The following PTPRT variants were observed in gnomAD, a reference collection of about 807,000 sequenced individuals.
PTPRT encodes the protein protein tyrosine phosphatase receptor type T.
PTPRT carries 56 observed loss-of-function variants against 176.8 expected under a neutral mutation model. That is an observed-to-expected ratio of 0.32 (90% CI 0.26 to 0.40). The LOEUF (loss-of-function observed/expected upper bound fraction) is 0.40, where lower values mean the gene tolerates loss of function less well. Among genes scored for constraint, PTPRT ranks in the 10% least tolerant of loss-of-function variants. The pLI is 1.00. For synonymous variants in PTPRT, 783 were observed against 739.0 expected (o/e 1.06, Z -0.96); for missense variants, 1,540 against 1,908.2 (o/e 0.81, Z 3.60).
chr20:42,567,291 A>AAGAG (rs200210899), intron 7 of PTPRT, among the ~76,000 whole-genome samples: 10 of 150,410 alleles, frequency 6.6e-5, no homozygotes, highest in Admixed American at 2.0e-4. Flanking sequence ...AAAAAAATAA[A>AAGAG]AGAGAGAGAG....
intron 9 of PTPRT, among the ~76,000 whole-genome samples, chr20:42,373,173 C>T (rs2058609159): frequency 6.6e-6 from 1 of 152,120 alleles, no homozygotes; most frequent in African/African-American, 2.4e-5. Flanking sequence ...GAGTGAAGTA[C>T]CACCCTTCCA....
At chr20:42,942,287 C>A (rs1462456177) in intron 1 of PTPRT, among the ~76,000 whole-genome samples, 1 of 152,180 alleles carries the variant, frequency 6.6e-6, no homozygotes, top group Non-Finnish European at 1.5e-5. Flanking sequence ...GGGCAACCAA[C>A]AGGAAAGGTA....
At chr20:42,495,170 A>T (rs904308065) in intron 7 of PTPRT, among the ~76,000 whole-genome samples, 2 of 152,212 alleles carry the variant, frequency 1.3e-5, no homozygotes, top group Non-Finnish European at 2.9e-5. Flanking sequence ...GAAAACAGTG[A>T]GACTCAGAGA....
At chr20:42,430,057 T>C (rs2145797846) in intron 9 of PTPRT, among the ~76,000 whole-genome samples, 1 of 152,354 alleles carries the variant, frequency 6.6e-6, no homozygotes, top group East Asian at 1.9e-4. Context: ...TTTTAAATGG[T>C]ACAGTGTCTG....
intron 16 of PTPRT, among the ~76,000 whole-genome samples, chr20:42,187,232 A>G (rs1352148515): frequency 6.6e-6 from 1 of 152,082 alleles, no homozygotes; most frequent in African/African-American, 2.4e-5. Flanking sequence ...TAGAAATGCC[A>G]TTTCTTATGC....
chr20:42,886,077 T>A, intron 1 of PTPRT, 145 bp from the exon 2 acceptor site: 1 of 378,062 alleles, frequency 2.6e-6, no homozygotes, highest in Non-Finnish European at 3.8e-6. Context: ...ATATAAAAGA[T>A]GAGCAAATTG....
At position 42,684,885 on chromosome 20, in the gene PTPRT, C is replaced by A. The variant is rs149016891; in HGVS notation, c.860-6726G>T. ...AGGAAGAGGATGATGAGAATAATCA[C>A]AAATAACACCATGGGGCAGCTCCCA... On this transcript the variant is annotated intron_variant, in intron 6 of 30. Transcript: ENST00000373187. 3.0e-3 allele frequency among the ~76,000 whole-genome samples: 463 copies of A among 152,188 alleles called. 2 individuals carry two copies. The highest frequency in any genetic ancestry group is 0.011 in the African/African-American group (444 of 41,520).
At chr20:43,076,046 A>C (rs1048391331) in intron 1 of PTPRT, among the ~76,000 whole-genome samples, 1 of 152,228 alleles carries the variant, frequency 6.6e-6, no homozygotes, top group African/African-American at 2.4e-5. Flanking sequence ...AAGAATCTTA[A>C]ATCTCCTACT....
chr20:43,040,294 C>G lies in PTPRT; in HGVS notation c.88+149352G>C, dbSNP rs564542880. On this transcript the variant is annotated intron_variant, in intron 1 of 30. Transcript: ENST00000373187. ...TGGGAATGGAAGATAAAAACTACAA[C>G]TCTTTTAGATAGCTGTTTGTCAATA... 2.6e-5 allele frequency among the ~76,000 whole-genome samples: 4 copies of G among 152,294 alleles called. No homozygotes were observed. The South Asian group carries it at 8.3e-4, about 32-fold the overall frequency.
At chr20:42,409,230 C>T (rs958434419) in intron 9 of PTPRT, among the ~76,000 whole-genome samples, 3 of 152,016 alleles carry the variant, frequency 2.0e-5, no homozygotes, top group Non-Finnish European at 4.4e-5. Context: ...TGCCTGTAAT[C>T]CCAGAACTTT....
At chr20:42,425,261 C>A (rs1041094194) in intron 9 of PTPRT, among the ~76,000 whole-genome samples, 10 of 152,048 alleles carry the variant, frequency 6.6e-5, no homozygotes, top group Non-Finnish European at 1.0e-4. Context: ...ATTGCAATGA[C>A]AAAAATACTC....
At position 43,189,855 on chromosome 20, in the gene PTPRT, G is replaced by C. The variant is rs1351712171; in HGVS notation, c.-122C>G. The C allele has an allele frequency of 5.9e-6, 2 of 340,624 alleles. No homozygotes were observed. The highest frequency in any genetic ancestry group is 8.3e-6 in the Non-Finnish European group (2 of 241,498). 21.1% of individuals were successfully genotyped at this position (340,624 alleles called of 1,614,324 possible). A position where few individuals can be genotyped will look rare whatever the true frequency, so the allele number is the denominator to read the frequency against. On this transcript the variant is annotated 5_prime_UTR_variant, in exon 1 of 31. Transcript: ENST00000373187. This position sits in a 1 kb window ranked among gnomAD's most constrained non-coding sequence, Gnocchi z 5.0. Reference sequence around the variant, plus strand: ...GCTGTGCGCGCGGCTGGCTCCGCTCGGGCTCCCGGAGCCGGCGCTCCTGCG... The same window carrying C: ...GCTGTGCGCGCGGCTGGCTCCGCTCCGGCTCCCGGAGCCGGCGCTCCTGCG...
chr20:42,841,938 T>G (rs2078286281), intron 2 of PTPRT, among the ~76,000 whole-genome samples: 1 of 152,196 alleles, frequency 6.6e-6, no homozygotes, highest in Admixed American at 6.5e-5. Context: ...TGGTAAAATG[T>G]CCCCAGCTTT....
intron 6 of PTPRT, among the ~76,000 whole-genome samples, chr20:42,706,219 ATGTGTG>A (rs2076057011): frequency 1.9e-5 from 2 of 103,004 alleles, no homozygotes; most frequent in African/African-American, 4.0e-5. Flanking sequence ...GTGTGTGTGT[ATGTGTG>A]TGTGTGTCTA....
At chr20:42,415,000 T>C (rs1371992254) in intron 9 of PTPRT, among the ~76,000 whole-genome samples, 1 of 152,162 alleles carries the variant, frequency 6.6e-6, no homozygotes, top group Non-Finnish European at 1.5e-5. Flanking sequence ...GGTGAAACTG[T>C]ATGGTAATCG....
chr20:43,011,445 G>A (rs1329638651), intron 1 of PTPRT, among the ~76,000 whole-genome samples: 2 of 152,168 alleles, frequency 1.3e-5, no homozygotes, highest in African/African-American at 4.8e-5. Flanking sequence ...CCAGAAGTAA[G>A]ACCCACCAGC....
intron 11 of PTPRT, among the ~76,000 whole-genome samples, chr20:42,332,305 G>A (rs6102780): frequency 0.34 from 52,138 of 151,784 alleles, 10,215 homozygotes; most frequent in African/African-American, 0.55. Flanking sequence ...TGCCTCCTGG[G>A]TTCACGCCAT....
intron 5 of PTPRT, among the ~76,000 whole-genome samples, chr20:42,770,686 A>C (rs1194175246): frequency 1.3e-5 from 2 of 152,200 alleles, no homozygotes; most frequent in Admixed American, 1.3e-4. Context: ...AGTACCAGTG[A>C]ATCACTGGAT....
Position 42,141,049 on chromosome 20 carries a change from T to C in PTPRT, c.2770+866A>G, listed in dbSNP as rs145151271. ...GCGCTAACTACTCTGCACCGCTGACTTCATCAATGAGTCATTCACTGGGGG... is the reference window on the plus strand; with the variant it reads ...GCGCTAACTACTCTGCACCGCTGACCTCATCAATGAGTCATTCACTGGGGG... On this transcript the variant is annotated intron_variant, in intron 18 of 30. Transcript: ENST00000373187. 2.3e-4 allele frequency among the ~76,000 whole-genome samples: 35 copies of C among 152,306 alleles called. No individual in the cohort carries two copies. The East Asian group carries it at 6.0e-3, about 26-fold the overall frequency.
Sources: gnomAD v4.1 joint callset for allele counts (sites outside exome capture counted in the v4.1 genomes callset) on GRCh38, gnomAD v4.1.1 for gene constraint, Gnocchi (gnomAD v3.1) non-coding constraint, MANE v1.5 for transcripts, NCBI Gene and HGNC (gene_info 2026-07-23, HGNC 2026-07-21) for gene names.